The following TPCN2 variants were observed in gnomAD, a reference collection of about 807,000 sequenced individuals.
TPCN2 encodes two pore channel protein 2.
TPCN2 carries 92 observed loss-of-function variants against 111.4 expected under a neutral mutation model. That is an observed-to-expected ratio of 0.83 (90% CI 0.70 to 0.98). TPCN2 has a LOEUF of 0.98. Among genes scored for constraint, TPCN2 ranks in the 50% least tolerant of loss-of-function variants. TPCN2 has a pLI of 0.00. For synonymous variants in TPCN2, 405 were observed against 414.5 expected, an observed-to-expected ratio of 0.98 and a Z score of 0.28; for missense variants, 995 against 980.1, an observed-to-expected ratio of 1.02 and a Z score of -0.20.
intron 13 of TPCN2, among the ~76,000 whole-genome samples, chr11:69,073,653 T>C (rs943686214): frequency 6.6e-6 from 1 of 152,218 alleles, no homozygotes; most frequent in South Asian, 2.1e-4. Flanking sequence ...AGACATTTGT[T>C]ATCTCACAGT....
At chr11:69,065,362 C>T (rs1415162405) in intron 7 of TPCN2, among the ~76,000 whole-genome samples, 3 of 152,210 alleles carry the variant, frequency 2.0e-5, no homozygotes, top group African/African-American at 4.8e-5. Flanking sequence ...GGGTGTGGTC[C>T]TCGACCCCGG....
intron 9 of TPCN2, among the ~76,000 whole-genome samples, chr11:69,070,833 GC>G (rs1855494515): frequency 1.0e-5 from 1 of 97,378 alleles, no homozygotes; most frequent in African/African-American, 4.2e-5. Context: ...TCTCCCACCA[GC>G]AGCTTCACCC....
Position 69,088,417 on chromosome 11 carries a change from A to G in TPCN2, c.*464A>G, listed in dbSNP as rs1856360085. ...GAGAGAACCTTGACTGTGTTTTATT[A>G]TTTCATGGCTTGTATGAGTGTGACT... On this transcript the variant is annotated 3_prime_UTR_variant, in exon 25 of 25. Coordinates refer to ENST00000294309, the MANE Select transcript of TPCN2 (RefSeq NM_139075.4). 6.1e-6 allele frequency: 1 copy of G among 162,766 alleles called. No homozygotes were observed. The highest frequency in any genetic ancestry group is 2.4e-5 in the African/African-American group (1 of 41,676). 10.1% of individuals were successfully genotyped at this position (162,766 alleles called of 1,614,324 possible).
intron 5 of TPCN2, among the ~76,000 whole-genome samples, chr11:69,062,039 T>G (rs1397458588): frequency 6.6e-6 from 1 of 152,042 alleles, no homozygotes; most frequent in Non-Finnish European, 1.5e-5. Context: ...CACGGCTCTG[T>G]AGGCTGCATG....
intron 12 of TPCN2, 77 bp from the exon 13 acceptor site, chr11:69,072,813 CATTCACAGCCCGTCAGGGTGGGGTT>C: frequency 1.2e-5 from 19 of 1,526,542 alleles, no homozygotes; most frequent in Non-Finnish European, 1.7e-5. Flanking sequence ...TCACCTGCAG[CATTCACAGCCCGTCAGGGTGGGGTT>C]GGGGCTGGGG....
In TPCN2 at chr11:69,072,939, C is replaced by A; in HGVS notation, c.1168C>A (p.Leu390Met). Reference protein sequence around the residue: ...MEKVRSYGSVLLSAEEFQKLF... With the variant: ...MEKVRSYGSVMLSAEEFQKLF... ...GAAGGTGCGTTCCTATGGCAGTGTTCTGCTCTCAGCTGAGGAGTTTCAGAA... is the reference window on the plus strand; with the variant it reads ...GAAGGTGCGTTCCTATGGCAGTGTTATGCTCTCAGCTGAGGAGTTTCAGAA... The change falls in exon 13 of 25, where the codon CTG becomes ATG. Residue 390 changes from leucine to methionine, a missense_variant. Leu to Met is a conservative substitution (Grantham distance 15). Coordinates refer to ENST00000294309, the MANE Select transcript of TPCN2 (RefSeq NM_139075.4). 6.2e-7 allele frequency: 1 copy of A among 1,613,764 alleles called. No homozygotes were observed. Among genetic ancestry groups the A allele is most frequent in the South Asian group, 1.1e-5 (1 of 91,008 alleles).
Position 69,049,015 on chromosome 11 carries a change from G to A in TPCN2, c.18G>A (p.Ala6=). 1 of 1,240,136 alleles carries A rather than the reference G, an allele frequency of 8.1e-7. No individual in the cohort carries two copies. The highest frequency in any genetic ancestry group is 1.0e-6 in the Non-Finnish European group (1 of 988,108). 76.8% of individuals were successfully genotyped at this position (1,240,136 alleles called of 1,614,324 possible). Residue 6 remains alanine (A), a synonymous_variant, in exon 1 of 25, where the codon GCG becomes GCA. Coordinates refer to ENST00000294309, the MANE Select transcript of TPCN2 (RefSeq NM_139075.4). Reference sequence around the variant, plus strand: ...GCTGCTGGATGGCGGAACCCCAGGCGGAGTCGGAGCCCCTGCTGGGCGGGG... The same window carrying A: ...GCTGCTGGATGGCGGAACCCCAGGCAGAGTCGGAGCCCCTGCTGGGCGGGG... MAEPQ[A]ESEPLLGGAR...
intron 17 of TPCN2, 40 bp from the exon 18 acceptor site, chr11:69,081,360 C>A (rs1489751799): frequency 6.3e-6 from 9 of 1,434,188 alleles, no homozygotes; most frequent in Non-Finnish European, 8.5e-6. Context: ...CTGTGGGGCT[C>A]CTGGGCTCCT....
intron 1 of TPCN2, among the ~76,000 whole-genome samples, chr11:69,052,574 C>T (rs767236166): frequency 2.2e-4 from 33 of 152,100 alleles, no homozygotes; most frequent in Non-Finnish European, 3.4e-4. Context: ...CTCTTGCTCC[C>T]GGCAGTGCAG....
rs554667577 is a variant in TPCN2, at chr11:69,053,102, G to A, written c.110-931G>A. Among the ~76,000 whole-genome samples, 270 of 152,352 alleles carry A rather than the reference G, an allele frequency of 1.8e-3. 1 individual carries two copies. The highest frequency in any genetic ancestry group is 9.7e-4 in the East Asian group (5 of 5,172). On this transcript the variant is annotated intron_variant, in intron 1 of 24. Transcript: ENST00000294309. ...GCCCGCTGGCTGCTCTGTGGCAGGTGAGGGGCTTGTGAGCAGGCCAGGGTG... is the reference window on the plus strand; with the variant it reads ...GCCCGCTGGCTGCTCTGTGGCAGGTAAGGGGCTTGTGAGCAGGCCAGGGTG...
chr11:69,078,555 A>T lies in TPCN2; in HGVS notation c.1304A>T (p.Asp435Val), dbSNP rs748911986. The T allele has an allele frequency of 1.2e-6, 2 of 1,614,032 alleles. No homozygotes were observed. The highest frequency in any genetic ancestry group is 1.7e-5 in the Admixed American group (1 of 60,012). Residue 435 changes from aspartate to valine, a missense_variant, in exon 14 of 25, where the codon GAC becomes GTC. Coordinates refer to ENST00000294309, the MANE Select transcript of TPCN2 (RefSeq NM_139075.4). Reference protein sequence around the residue: ...AQFLFGHYYFDYLGNLIALAN... With the variant: ...AQFLFGHYYFVYLGNLIALAN... Reference sequence around the variant, plus strand: ...TTCCTCTTCGGCCACTACTACTTTGACTACCTGGGGAACCTCATCGCCCTG... The same window carrying T: ...TTCCTCTTCGGCCACTACTACTTTGTCTACCTGGGGAACCTCATCGCCCTG...
rs1445349358 is a variant in TPCN2 at position 69,063,928 on chromosome 11, C to G, written c.687C>G (p.Leu229=). Residue 229 remains leucine (L), a synonymous_variant, in exon 7 of 25, where the codon CTC becomes CTG. Transcript: ENST00000294309. ...VGLLLAIHLC[L]FTMFGMLLFA... is the part of the protein sequence containing the mutation. ...TGCTGCTGGCCATCCACCTGTGCCTCTTCACCATGTTCGGAATGCTGCTGT... is the reference window on the plus strand; with the variant it reads ...TGCTGCTGGCCATCCACCTGTGCCTGTTCACCATGTTCGGAATGCTGCTGT... The G allele has an allele frequency of 3.7e-6, 6 of 1,614,158 alleles. No homozygotes were observed. Among genetic ancestry groups the G allele is most frequent in the Non-Finnish European group, 5.1e-6 (6 of 1,180,018 alleles).
chr11:69,078,683 GC>G (rs751499896), intron 14 of TPCN2, 50 bp from the exon 15 acceptor site: 13 of 1,613,252 alleles, frequency 8.1e-6, no homozygotes, highest in Non-Finnish European at 1.1e-5. Context: ...CTCCTGCCTC[GC>G]CCAGCGCTGT....
At chr11:69,056,777 C>T (rs1452302761) in intron 4 of TPCN2, among the ~76,000 whole-genome samples, 8 of 152,048 alleles carry the variant, frequency 5.3e-5, no homozygotes, top group East Asian at 3.9e-4. Context: ...GTGATCTGCC[C>T]GCCTCGGCCT....
chr11:69,086,580 C>T lies in TPCN2; in HGVS notation c.2061C>T (p.Asn687=). Residue 687 remains asparagine, a synonymous_variant, in exon 23 of 25, where the codon AAC becomes AAT. Transcript: ENST00000294309. The stretch of plus-strand genomic sequence containing the variant: ...TGGTGTCGTCTGTCATCTGGGTCAA[C>T]CTGTTTCTGGCCCTGATTCTGGAGG... ...WWLVSSVIWV[N]LFLALILENF... 1 of 1,614,076 alleles carries T rather than the reference C, an allele frequency of 6.2e-7. No homozygotes were observed. Among genetic ancestry groups the T allele is most frequent in the Non-Finnish European group, 8.5e-7 (1 of 1,179,994 alleles).
intron 7 of TPCN2, among the ~76,000 whole-genome samples, chr11:69,066,106 G>C (rs1855261949): frequency 1.3e-5 from 2 of 152,150 alleles, no homozygotes; most frequent in Non-Finnish European, 2.9e-5. Context: ...GTGTGCCTCA[G>C]CTGGCTCGAA....
At chr11:69,083,184 CTG>C (rs778038418) in intron 18 of TPCN2, 5 of 153,082 alleles carry the variant, frequency 3.3e-5, no homozygotes, top group Admixed American at 2.6e-4. Context: ...TTCTTGGAAA[CTG>C]TGACTTTAAG....
intron 13 of TPCN2, among the ~76,000 whole-genome samples, chr11:69,077,878 C>T (rs757041587): frequency 3.3e-5 from 5 of 152,140 alleles, no homozygotes; most frequent in South Asian, 2.1e-4. Flanking sequence ...ATGAAATAGC[C>T]GCCGGTGGTC....
rs756676010 is a variant in TPCN2, at chr11:69,086,520, C to A, written c.2004-3C>A. On this transcript the variant is annotated splice_region_variant and splice_polypyrimidine_tract_variant and intron_variant, in intron 22 of 24. Coordinates refer to ENST00000294309, the MANE Select transcript of TPCN2 (RefSeq NM_139075.4). ...TCACAGGGTGGGTCTCTGTCCTCCGCAGGTGGTCCAAGATCTATTTTGTAT... is the reference window on the plus strand; with the variant it reads ...TCACAGGGTGGGTCTCTGTCCTCCGAAGGTGGTCCAAGATCTATTTTGTAT... The A allele has an allele frequency of 1.9e-6, 3 of 1,613,846 alleles. No individual in the cohort carries two copies. The Admixed American group carries it at 5.0e-5, about 27-fold the overall frequency.
Sources: allele counts gnomAD v4.1 joint callset (sites outside exome capture counted in the v4.1 genomes callset), GRCh38; gene constraint gnomAD v4.1.1; transcripts MANE v1.5; gene names NCBI Gene and HGNC (gene_info 2026-07-23, HGNC 2026-07-21).